Variants in SRRM4 observed in about 807,000 individuals in gnomAD.
SRRM4 encodes serine/arginine repetitive matrix 4.
SRRM4 carries 33 observed loss-of-function variants against 68.9 expected under a neutral mutation model. That is an observed-to-expected ratio of 0.48 (90% CI 0.36 to 0.64). The LOEUF is 0.64. Among genes scored for constraint, SRRM4 ranks in the 30% least tolerant of loss-of-function variants. SRRM4 has a pLI of 0.00. For missense variants in SRRM4, 817 were observed against 827.1 expected, an observed-to-expected ratio of 0.99 and a Z score of 0.15; for synonymous variants, 318 against 318.8, an observed-to-expected ratio of 1.00 and a Z score of 0.03.
At chr12:119,048,539 G>A (rs962497230) in intron 1 of SRRM4, among the ~76,000 whole-genome samples, 2 of 152,030 alleles carry the variant, frequency 1.3e-5, no homozygotes, top group African/African-American at 4.8e-5. Context: ...GGAAAATCGG[G>A]TTCAAATCCT....
chr12:119,053,262 C>T (rs1953756100), intron 1 of SRRM4, among the ~76,000 whole-genome samples: 1 of 152,090 alleles, frequency 6.6e-6, no homozygotes, highest in Non-Finnish European at 1.5e-5. Flanking sequence ...ATAAACAGGA[C>T]ACTTATTTTC....
At chr12:119,107,862 G>C (rs1222242335) in intron 2 of SRRM4, among the ~76,000 whole-genome samples, 1 of 152,090 alleles carries the variant, frequency 6.6e-6, no homozygotes, top group African/African-American at 2.4e-5. Flanking sequence ...GCTAGCTTTT[G>C]AATGTGTTTG....
chr12:119,151,079 C>G lies in SRRM4; in HGVS notation c.1139C>G (p.Thr380Arg). 1 of 1,613,982 alleles carries G rather than the reference C, an allele frequency of 6.2e-7. No individual in the cohort carries two copies. The highest frequency in any genetic ancestry group is 8.5e-7 in the Non-Finnish European group (1 of 1,179,886). The change falls in exon 10 of 13, where the codon ACA becomes AGA. Residue 380 changes from threonine to arginine, a missense_variant. Thr to Arg is a moderately conservative substitution (Grantham distance 71). Coordinates refer to ENST00000267260, the MANE Select transcript of SRRM4 (RefSeq NM_194286.4). ...EVKKSSLVPSTARSSPMKGCS... is the reference protein window; with the variant it reads ...EVKKSSLVPSRARSSPMKGCS... ...AAGAAGTCCAGTTTGGTCCCATCCA[C>G]AGCCCGGAGCTCACCCATGAAAGGG...
intron 1 of SRRM4, among the ~76,000 whole-genome samples, chr12:119,099,347 T>C (rs1187153494): frequency 6.6e-6 from 1 of 152,236 alleles, no homozygotes; most frequent in Non-Finnish European, 1.5e-5. Flanking sequence ...TTGGCCAGGC[T>C]GGTCTCAAAC....
intron 2 of SRRM4, among the ~76,000 whole-genome samples, chr12:119,104,847 T>C (rs1954097445): frequency 6.6e-6 from 1 of 152,010 alleles, no homozygotes; most frequent in African/African-American, 2.4e-5. Context: ...TACTTCAAGT[T>C]CTAGGGTACA....
At chr12:119,082,468 C>T (rs746618456) in intron 1 of SRRM4, among the ~76,000 whole-genome samples, 1 of 152,176 alleles carries the variant, frequency 6.6e-6, no homozygotes, top group Non-Finnish European at 1.5e-5. Flanking sequence ...AGAATGTGCT[C>T]GTGATTTCCC....
intron 9 of SRRM4, among the ~76,000 whole-genome samples, chr12:119,146,298 G>C (rs139626573): frequency 2.7e-4 from 41 of 152,270 alleles, no homozygotes; most frequent in African/African-American, 9.6e-4. Flanking sequence ...GAAGGAAGTC[G>C]AACATTGACC....
At chr12:119,026,635 G>A (rs1005693638) in intron 1 of SRRM4, among the ~76,000 whole-genome samples, 1 of 151,920 alleles carries the variant, frequency 6.6e-6, no homozygotes, top group African/African-American at 2.4e-5. Flanking sequence ...CACAACCTCC[G>A]CCTCCCAGGT....
intron 1 of SRRM4, among the ~76,000 whole-genome samples, chr12:118,987,063 G>A (rs950428061): frequency 6.6e-6 from 1 of 152,172 alleles, no homozygotes; most frequent in African/African-American, 2.4e-5. Context: ...GGTGGAGGAA[G>A]TAGAATGATG....
At chr12:119,097,800 T>G (rs1022206204) in intron 1 of SRRM4, among the ~76,000 whole-genome samples, 10 of 152,172 alleles carry the variant, frequency 6.6e-5, no homozygotes, top group Non-Finnish European at 1.2e-4. Context: ...ATCCACCAGC[T>G]TCCCCTGTAC....
chr12:119,132,544 T>C (rs1034305307), intron 8 of SRRM4, among the ~76,000 whole-genome samples: 2 of 152,222 alleles, frequency 1.3e-5, no homozygotes, highest in African/African-American at 4.8e-5. Flanking sequence ...GGGATGGTTT[T>C]CCAACAAGAT....
intron 1 of SRRM4, among the ~76,000 whole-genome samples, chr12:119,072,284 T>C (rs1023050837): frequency 2.6e-5 from 4 of 152,166 alleles, no homozygotes; most frequent in Non-Finnish European, 5.9e-5. Context: ...GCCAGACTTA[T>C]AAGGGGAAGG....
intron 1 of SRRM4, among the ~76,000 whole-genome samples, chr12:119,078,654 T>C (rs529968704): frequency 3.5e-4 from 53 of 152,332 alleles, no homozygotes; most frequent in African/African-American, 1.2e-3. Context: ...GCATGATGGC[T>C]GATGCCTGTA....
chr12:119,000,063 G>A (rs1428074692), intron 1 of SRRM4, among the ~76,000 whole-genome samples: 1 of 152,066 alleles, frequency 6.6e-6, no homozygotes, highest in Admixed American at 6.6e-5. Flanking sequence ...TGTACAGAAC[G>A]CACTACACAA....
At position 119,069,197 on chromosome 12, in the gene SRRM4, T is replaced by C. The variant is rs1191174553; in HGVS notation, c.132-33039T>C. Among the ~76,000 whole-genome samples, 6 of 151,994 alleles carry C rather than the reference T, an allele frequency of 3.9e-5. No homozygotes were observed. The East Asian group carries it at 1.2e-3, about 29-fold the overall frequency. ...ATGGAAAGCAAACAGTGGAACAAAG[T>C]GAGTGGTTTAGCATGTTACCGGGGG... On this transcript the variant is annotated intron_variant, in intron 1 of 12. Coordinates refer to ENST00000267260, the MANE Select transcript of SRRM4 (RefSeq NM_194286.4).
At chr12:119,138,652 A>G (rs1371085522) in intron 8 of SRRM4, among the ~76,000 whole-genome samples, 1 of 152,200 alleles carries the variant, frequency 6.6e-6, no homozygotes, top group African/African-American at 2.4e-5. Flanking sequence ...AGCTGGTTTG[A>G]TAATGCATCT....
intron 2 of SRRM4, among the ~76,000 whole-genome samples, chr12:119,106,427 C>T (rs1954108195): frequency 1.3e-5 from 2 of 151,878 alleles, no homozygotes; most frequent in Admixed American, 6.6e-5. Flanking sequence ...GATATTGATT[C>T]TTCCTATCCA....
intron 1 of SRRM4, among the ~76,000 whole-genome samples, chr12:119,026,603 C>T (rs1313448316): frequency 1.3e-5 from 2 of 152,006 alleles, no homozygotes. Context: ...AGCTAGAGTG[C>T]AATGGCGCGA....
At chr12:119,074,381 A>G (rs974594659) in intron 1 of SRRM4, among the ~76,000 whole-genome samples, 9 of 152,204 alleles carry the variant, frequency 5.9e-5, no homozygotes, top group Non-Finnish European at 4.4e-5. Flanking sequence ...CAGAAGCACC[A>G]TCTTTGTGAG....
Sources: allele counts gnomAD v4.1 joint callset (sites outside exome capture counted in the v4.1 genomes callset), GRCh38; gene constraint gnomAD v4.1.1; transcripts MANE v1.5; gene names NCBI Gene and HGNC (gene_info 2026-07-23, HGNC 2026-07-21).